The following DTWD1 variants were observed in gnomAD, a reference collection of about 807,000 sequenced individuals.
DTWD1 encodes the protein DTW motif tRNA-uridine aminocarboxypropyltransferase 1.
A neutral mutation model predicts 30.2 loss-of-function variants in DTWD1; 27 were observed. The ratio of observed to expected loss-of-function variants is 0.90; its 90% CI spans 0.66 to 1.23. The LOEUF (loss-of-function observed/expected upper bound fraction) is 1.23, where lower values mean the gene tolerates loss of function less well. Ranked by LOEUF, DTWD1 falls within the 50% of genes most tolerant of loss-of-function variation. The pLI, the probability that DTWD1 is intolerant of heterozygous loss-of-function variation, is 0.00. For synonymous variants in DTWD1, 99 were observed against 113.1 expected, an observed-to-expected ratio of 0.88 and a Z score of 0.79; for missense variants, 342 against 348.8, an observed-to-expected ratio of 0.98 and a Z score of 0.15.
At position 49,650,157 on chromosome 15, in the gene DTWD1, G is replaced by A. The variant is rs1182814512; in HGVS notation, c.*6579G>A. 2 of 152,042 alleles carry A rather than the reference G, an allele frequency of 1.3e-5. No homozygotes were observed. The highest frequency in any genetic ancestry group is 2.1e-4 in the South Asian group (1 of 4,828). The allele number at this position is 152,042 out of a possible 1,614,324, so 9.4% of individuals were successfully genotyped here. A position where few individuals can be genotyped will look rare whatever the true frequency, so the allele number is the denominator to read the frequency against. On this transcript the variant is annotated 3_prime_UTR_variant, in exon 5 of 5. Coordinates refer to ENST00000403028, the MANE Select transcript of DTWD1 (RefSeq NM_001144955.2). ...TGAGGAATAACAAGGACACTAGTTTGGAACAGTGTGTGGGAGGGAAAAAAT... is the reference window on the plus strand; with the variant it reads ...TGAGGAATAACAAGGACACTAGTTTAGAACAGTGTGTGGGAGGGAAAAAAT...
rs1348880045 is a variant in DTWD1 at position 49,652,770 on chromosome 15, A to C, written c.*9192A>C. 2 of 152,128 alleles carry C rather than the reference A, an allele frequency of 1.3e-5. No individual in the cohort carries two copies. Among genetic ancestry groups the C allele is most frequent in the Non-Finnish European group, 2.9e-5 (2 of 68,016 alleles). The allele number at this position is 152,128 out of a possible 1,614,324, so 9.4% of individuals were successfully genotyped here. On this transcript the variant is annotated 3_prime_UTR_variant, in exon 5 of 5. Coordinates refer to ENST00000403028, the MANE Select transcript of DTWD1 (RefSeq NM_001144955.2). ...TAGATCTATGTGGAGCAAAGGGTGG[A>C]TTGTAATAAGCAAAGAGATACACTG...
rs1211304344 is a variant in DTWD1 at position 49,625,323 on chromosome 15, A to G, written c.156A>G (p.Gln52=). Residue 52 remains glutamine, a synonymous_variant, in exon 2 of 5, where the codon CAA becomes CAG. Transcript: ENST00000403028. ...AAGAAGTTCTTCAAAAAGCTCAGCA[A>G]AGTGGGAGATCAAAATGTCTCAAAT... ...ASQEVLQKAQ[Q]SGRSKCLKCG... 1 of 1,613,740 alleles carries G rather than the reference A, an allele frequency of 6.2e-7. No individual in the cohort carries two copies. Among genetic ancestry groups the G allele is most frequent in the East Asian group, 2.2e-5 (1 of 44,812 alleles).
In DTWD1 at chr15:49,625,164, A is replaced by C; in HGVS notation, c.-4A>C. The C allele has an allele frequency of 6.2e-7, 1 of 1,611,526 alleles. No individual in the cohort carries two copies. The highest frequency in any genetic ancestry group is 8.5e-7 in the Non-Finnish European group (1 of 1,178,454). On this transcript the variant is annotated 5_prime_UTR_variant, in exon 2 of 5. The change abolishes the stop of an existing upstream ORF in the 5' untranslated region. Coordinates refer to ENST00000403028, the MANE Select transcript of DTWD1 (RefSeq NM_001144955.2). ...TAGCCGTTAAACTTTGGTTTGAATG[A>C]AGAATGTCTCTCAATCCACCTATAT... is the stretch of plus-strand genomic sequence containing the variant.
At position 49,647,696 on chromosome 15, in the gene DTWD1, A is replaced by T. The variant is rs985273698; in HGVS notation, c.*4118A>T. 3 of 152,098 alleles carry T rather than the reference A, an allele frequency of 2.0e-5. No homozygotes were observed. Among genetic ancestry groups the T allele is most frequent in the Non-Finnish European group, 4.4e-5 (3 of 68,016 alleles). The allele number at this position is 152,098 out of a possible 1,614,324, so 9.4% of individuals were successfully genotyped here. A position where few individuals can be genotyped will look rare whatever the true frequency, so the allele number is the denominator to read the frequency against. On this transcript the variant is annotated 3_prime_UTR_variant, in exon 5 of 5. Transcript: ENST00000403028. ...CCACCAGCCAAAAATCACCACCCATACATAAGAGCCAAACATCACTAGACA... is the reference window on the plus strand; with the variant it reads ...CCACCAGCCAAAAATCACCACCCATTCATAAGAGCCAAACATCACTAGACA...
chr15:49,623,028 C>A (rs1476763074), intron 1 of DTWD1, among the ~76,000 whole-genome samples: 1 of 152,120 alleles, frequency 6.6e-6, no homozygotes, highest in Non-Finnish European at 1.5e-5. Context: ...CTTTCAGTGC[C>A]CTAGGATAAC....
chr15:49,633,051 A>ATATC (rs1436181234), intron 3 of DTWD1, among the ~76,000 whole-genome samples: 20 of 140,538 alleles, frequency 1.4e-4, no homozygotes, highest in African/African-American at 5.2e-4. Context: ...ATCTATATCT[A>ATATC]TATATATATA....
Position 49,649,825 on chromosome 15 carries a change from G to A in DTWD1, c.*6247G>A, listed in dbSNP as rs1410263983. ...TCATCCATTCTAAAAAATTTTGAGT[G>A]CATACTATGTGTCAAATTATTGTCT... On this transcript the variant is annotated 3_prime_UTR_variant, in exon 5 of 5. Coordinates refer to ENST00000403028, the MANE Select transcript of DTWD1 (RefSeq NM_001144955.2). The A allele has an allele frequency of 6.6e-6, 1 of 152,188 alleles. No homozygotes were observed. Among genetic ancestry groups the A allele is most frequent in the African/African-American group, 2.4e-5 (1 of 41,448 alleles). The allele number at this position is 152,188 out of a possible 1,614,324, so 9.4% of individuals were successfully genotyped here. A position where few individuals can be genotyped will look rare whatever the true frequency, so the allele number is the denominator to read the frequency against.
chr15:49,632,383 A>C, intron 3 of DTWD1, 81 bp downstream of exon 3: 1 of 1,324,920 alleles, frequency 7.5e-7, no homozygotes, highest in Non-Finnish European at 1.0e-6. Context: ...GAACTTACTC[A>C]AACATAATTT....
chr15:49,630,965 A>G (rs1428235662), intron 2 of DTWD1: 3 of 446,930 alleles, frequency 6.7e-6, no homozygotes, highest in Non-Finnish European at 1.4e-5. Flanking sequence ...GGAGAATCCA[A>G]TGCCTGAAGA....
chr15:49,643,456 A>G lies in DTWD1; in HGVS notation c.793A>G (p.Ile265Val). The G allele has an allele frequency of 6.2e-7, 1 of 1,609,708 alleles. No individual in the cohort carries two copies. The highest frequency in any genetic ancestry group is 8.5e-7 in the Non-Finnish European group (1 of 1,177,624). The change falls in exon 5 of 5, where the codon ATA (isoleucine) becomes GTA (valine). Residue 265 changes from isoleucine to valine, a missense_variant. Coordinates refer to ENST00000403028, the MANE Select transcript of DTWD1 (RefSeq NM_001144955.2). ...CTTTCTGGTAGACTACCATACTGAT[A>G]TATTAAAAGAGAAATACAGAGGGCA... ...YYFLVDYHTD[I>V]LKEKYRGQYD...
Position 49,650,176 on chromosome 15 carries a change from A to G in DTWD1, c.*6598A>G, listed in dbSNP as rs994127685. The G allele has an allele frequency of 6.6e-6, 1 of 152,086 alleles. No homozygotes were observed. Among genetic ancestry groups the G allele is most frequent in the African/African-American group, 2.4e-5 (1 of 41,418 alleles). 9.4% of individuals were successfully genotyped at this position (152,086 alleles called of 1,614,324 possible). A position where few individuals can be genotyped will look rare whatever the true frequency, so the allele number is the denominator to read the frequency against. On this transcript the variant is annotated 3_prime_UTR_variant, in exon 5 of 5. Coordinates refer to ENST00000403028, the MANE Select transcript of DTWD1 (RefSeq NM_001144955.2). ...TAGTTTGGAACAGTGTGTGGGAGGG[A>G]AAAAATGATAGAAGATGACATCATA...
intron 4 of DTWD1, among the ~76,000 whole-genome samples, chr15:49,639,766 G>A (rs1296606602): frequency 1.3e-5 from 2 of 152,046 alleles, no homozygotes; most frequent in African/African-American, 2.4e-5. Flanking sequence ...TTGGGCATTT[G>A]TTCTTTTATC....
In DTWD1 at chr15:49,656,166, A is replaced by G. The variant is rs1262091624; in HGVS notation, c.*12588A>G. ...TCAAGAAATACTTTATGTTTGTCCT[A>G]TATGAAAGTGTTGATTGCACCTGGT... On this transcript the variant is annotated 3_prime_UTR_variant, in exon 5 of 5. Coordinates refer to ENST00000403028, the MANE Select transcript of DTWD1 (RefSeq NM_001144955.2). The G allele has an allele frequency of 5.3e-5, 8 of 152,204 alleles. No individual in the cohort carries two copies. Among genetic ancestry groups the G allele is most frequent in the Middle Eastern group, 3.4e-3 (1 of 294 alleles). 9.4% of individuals were successfully genotyped at this position (152,204 alleles called of 1,614,324 possible). A position where few individuals can be genotyped will look rare whatever the true frequency, so the allele number is the denominator to read the frequency against.
At position 49,649,028 on chromosome 15, in the gene DTWD1, A is replaced by AC. The variant is rs2079137276; in HGVS notation, c.*5450_*5451insC. 1 of 152,148 alleles carries AC rather than the reference A, an allele frequency of 6.6e-6. No homozygotes were observed. The highest frequency in any genetic ancestry group is 1.5e-5 in the Non-Finnish European group (1 of 68,024). 9.4% of individuals were successfully genotyped at this position (152,148 alleles called of 1,614,324 possible). ...AACAGAATGGGAAAGGCGTGGAAAA[A>AC]AATTTGTGATTTCTAAAATTGAGGA... On this transcript the variant is annotated 3_prime_UTR_variant, in exon 5 of 5. Transcript: ENST00000403028.
chr15:49,635,797 C>T (rs1192641117), intron 4 of DTWD1, among the ~76,000 whole-genome samples: 1 of 152,072 alleles, frequency 6.6e-6, no homozygotes, highest in Non-Finnish European at 1.5e-5. Context: ...CGCAGCCTTC[C>T]TTACAGTTTT....
Position 49,625,256 on chromosome 15 carries a change from T to C in DTWD1, c.89T>C (p.Ile30Thr), listed in dbSNP as rs138246319. ...VETKQSQTTS[I>T]ASEDPLQNLC... ...ACAAAACAGTCACAAACTACTTCCA[T>C]AGCTTCAGAAGATCCCCTTCAAAAC... Residue 30 changes from isoleucine (I) to threonine (T), a missense_variant, in exon 2 of 5, where the codon ATA becomes ACA. Transcript: ENST00000403028. 7.9e-5 allele frequency: 128 copies of C among 1,613,578 alleles called. No individual in the cohort carries two copies. In the African/African-American group the frequency reaches 1.5e-3, roughly 19 times the overall value.
rs1207956320 is a variant in DTWD1, at chr15:49,651,748, C to G, written c.*8170C>G. 6.6e-6 allele frequency: 1 copy of G among 152,122 alleles called. No individual in the cohort carries two copies. The highest frequency in any genetic ancestry group is 2.4e-5 in the African/African-American group (1 of 41,432). The allele number at this position is 152,122 out of a possible 1,614,324, so 9.4% of individuals were successfully genotyped here. ...CAGTCAGTATCACCATTTGAGTTTA[C>G]TTAGTATTGTATTGACCAGCATGCG... On this transcript the variant is annotated 3_prime_UTR_variant, in exon 5 of 5. Transcript: ENST00000403028.
chr15:49,645,390 A>C lies in DTWD1; in HGVS notation c.*1812A>C, dbSNP rs2079110746. 1 of 152,152 alleles carries C rather than the reference A, an allele frequency of 6.6e-6. No homozygotes were observed. Among genetic ancestry groups the C allele is most frequent in the Non-Finnish European group, 1.5e-5 (1 of 68,030 alleles). 9.4% of individuals were successfully genotyped at this position (152,152 alleles called of 1,614,324 possible). A position where few individuals can be genotyped will look rare whatever the true frequency, so the allele number is the denominator to read the frequency against. ...TTATATTATGCTATTCATAAAAAGG[A>C]ATGTGGATTATATAAGGCTTGAACA... On this transcript the variant is annotated 3_prime_UTR_variant, in exon 5 of 5. Coordinates refer to ENST00000403028, the MANE Select transcript of DTWD1 (RefSeq NM_001144955.2).
rs56259981 is a variant in DTWD1 at position 49,651,806 on chromosome 15, C to A, written c.*8228C>A. 2 of 152,072 alleles carry A rather than the reference C, an allele frequency of 1.3e-5. No individual in the cohort carries two copies. The highest frequency in any genetic ancestry group is 4.8e-5 in the African/African-American group (2 of 41,414). 9.4% of individuals were successfully genotyped at this position (152,072 alleles called of 1,614,324 possible). On this transcript the variant is annotated 3_prime_UTR_variant, in exon 5 of 5. Coordinates refer to ENST00000403028, the MANE Select transcript of DTWD1 (RefSeq NM_001144955.2). ...ATTATATCATATCAGATCCGGAAAC[C>A]TATTTTATGGAAAACCAAGCGCAGG...
Sources: gnomAD v4.1 joint callset for allele counts (sites outside exome capture counted in the v4.1 genomes callset) on GRCh38, gnomAD v4.1.1 for gene constraint, MANE v1.5 for transcripts, NCBI Gene and HGNC (gene_info 2026-07-23, HGNC 2026-07-21) for gene names.